MT1H: variants seen among roughly 807,000 people sequenced by gnomAD.
MT1H encodes the protein metallothionein 1H, also known as metallothionein-1H.
Under a neutral mutation model 8.7 loss-of-function variants are expected in MT1H, and 8 were observed. The ratio of observed to expected loss-of-function variants is 0.92; its 90% confidence interval spans 0.54 to 1.66. The LOEUF (loss-of-function observed/expected upper bound fraction) is 1.66. Ranked by LOEUF, MT1H falls within the 40% of genes most tolerant of loss-of-function variation. MT1H has a pLI of 0.00. For synonymous variants in MT1H, 32 were observed against 28.9 expected (o/e 1.11, Z -0.34); for missense variants, 84 against 75.2 (o/e 1.12, Z -0.43).
intron 2 of MT1H, 89 bp downstream of exon 2, chr16:56,670,660 T>C: frequency 6.2e-7 from 1 of 1,607,270 alleles, no homozygotes; most frequent in South Asian, 1.1e-5. Context: ...GCTTCCTTTG[T>C]CCCCCTAGGC....
At chr16:56,670,780 T>C in intron 2 of MT1H, 118 bp from the exon 3 acceptor site, 1 of 1,539,668 alleles carries the variant, frequency 6.5e-7, no homozygotes, top group Non-Finnish European at 9.0e-7. Flanking sequence ...GAAAAAGCTG[T>C]GCCATCCTGA....
Position 56,670,909 on chromosome 16 carries a change from T to A in MT1H, c.106T>A (p.Cys36Ser). The change falls in exon 3 of 3, where the codon TGT (cysteine) becomes AGT (serine). Residue 36 changes from cysteine to serine, a missense_variant. Transcript: ENST00000332374. ...CTSCKKSCCS[C>S]CPLGCAKCAQ... The stretch of plus-strand genomic sequence containing the variant: ...CCCTTTTTCCCCAGGCTGCTGCTCC[T>A]GTTGCCCCCTGGGCTGTGCCAAGTG... The A allele has an allele frequency of 6.2e-7, 1 of 1,614,212 alleles. No individual in the cohort carries two copies. Among genetic ancestry groups the A allele is most frequent in the Non-Finnish European group, 8.5e-7 (1 of 1,180,026 alleles).
chr16:56,671,064 G>C lies in MT1H; in HGVS notation c.*75G>C. The C allele has an allele frequency of 6.5e-7, 1 of 1,539,264 alleles. No individual in the cohort carries two copies. Among genetic ancestry groups the C allele is most frequent in the Non-Finnish European group, 8.8e-7 (1 of 1,136,202 alleles). ...CAGGATTTTTTTTTTCTACAACTCC[G>C]ACTCATTTGCTACATTCCTTTTTTT... On this transcript the variant is annotated 3_prime_UTR_variant, in exon 3 of 3. Transcript: ENST00000332374.
Position 56,671,045 on chromosome 16 carries a change from T to G in MT1H, c.*56T>G. The G allele has an allele frequency of 2.5e-6, 4 of 1,577,584 alleles. No individual in the cohort carries two copies. Among genetic ancestry groups the G allele is most frequent in the Non-Finnish European group, 3.4e-6 (4 of 1,166,114 alleles). On this transcript the variant is annotated 3_prime_UTR_variant, in exon 3 of 3. Transcript: ENST00000332374. The stretch of plus-strand genomic sequence containing the variant: ...CAGAATGACACGTAAAATCCAGGAT[T>G]TTTTTTTTCTACAACTCCGACTCAT...
In MT1H at chr16:56,670,493, C is replaced by A. The variant is rs2144355235; in HGVS notation, c.29-13C>A. The A allele has an allele frequency of 1.2e-6, 2 of 1,613,968 alleles. No homozygotes were observed. Among genetic ancestry groups the A allele is most frequent in the Non-Finnish European group, 1.7e-6 (2 of 1,180,040 alleles). On this transcript the variant is annotated splice_polypyrimidine_tract_variant and intron_variant, in intron 1 of 2. Transcript: ENST00000332374. The stretch of plus-strand genomic sequence containing the variant: ...CTCACTCACAACACACTGGCTTTTT[C>A]TATTCCTTGCAGGTGGCTCCTGCGC...
intron 1 of MT1H, 53 bp downstream of exon 1, chr16:56,669,965 A>C: frequency 3.1e-6 from 5 of 1,611,824 alleles, no homozygotes; most frequent in Non-Finnish European, 4.2e-6. Context: ...CAGACACCAT[A>C]GAGAGTGTCC....
At chr16:56,670,628 C>G in intron 2 of MT1H, 57 bp downstream of exon 2, 1 of 1,613,978 alleles carries the variant, frequency 6.2e-7, no homozygotes, top group Non-Finnish European at 8.5e-7. Flanking sequence ...GGGAGGGAAC[C>G]CAAGGCTGGC....
intron 2 of MT1H, 51 bp downstream of exon 2, chr16:56,670,622 G>A: frequency 6.2e-7 from 1 of 1,614,166 alleles, no homozygotes; most frequent in Non-Finnish European, 8.5e-7. Flanking sequence ...AAGGTTGGGA[G>A]GGAACCCAAG....
rs151010888 is a variant in MT1H, at chr16:56,671,058, A to G, written c.*69A>G. On this transcript the variant is annotated 3_prime_UTR_variant, in exon 3 of 3. Coordinates refer to ENST00000332374, the MANE Select transcript of MT1H (RefSeq NM_005951.2). Reference sequence around the variant, plus strand: ...AAAATCCAGGATTTTTTTTTTCTACAACTCCGACTCATTTGCTACATTCCT... The same window carrying G: ...AAAATCCAGGATTTTTTTTTTCTACGACTCCGACTCATTTGCTACATTCCT... 6.2e-3 allele frequency: 9,623 copies of G among 1,554,744 alleles called. 39 individuals are homozygous for G. The highest frequency in any genetic ancestry group is 6.7e-3 in the Non-Finnish European group (7,708 of 1,147,604).
intron 1 of MT1H, among the ~76,000 whole-genome samples, chr16:56,670,305 T>TA (rs1175134467): frequency 1.3e-5 from 2 of 151,962 alleles, no homozygotes; most frequent in African/African-American, 4.8e-5. Context: ...GCCTGGGACT[T>TA]ACCTTTGGAA....
At position 56,671,123 on chromosome 16, in the gene MT1H, G is replaced by A. The variant is rs989744113; in HGVS notation, c.*134G>A. On this transcript the variant is annotated 3_prime_UTR_variant, in exon 3 of 3. Transcript: ENST00000332374. ...TATGTGAATAATAATTAAACACTTAGACTTGATTCCCGTTCTGGTTCCTGT... is the reference window on the plus strand; with the variant it reads ...TATGTGAATAATAATTAAACACTTAAACTTGATTCCCGTTCTGGTTCCTGT... 42 of 1,272,028 alleles carry A rather than the reference G, an allele frequency of 3.3e-5. No homozygotes were observed. The highest frequency in any genetic ancestry group is 4.4e-5 in the Non-Finnish European group (41 of 937,636). The allele number at this position is 1,272,028 out of a possible 1,614,324, so 78.8% of individuals were successfully genotyped here.
intron 1 of MT1H, 61 bp downstream of exon 1, chr16:56,669,973 T>G (rs770563414): frequency 5.0e-6 from 8 of 1,609,280 alleles, no homozygotes; most frequent in African/African-American, 1.3e-5. Flanking sequence ...ATAGAGAGTG[T>G]CCCTGGGTTT....
rs1458624183 is a variant in MT1H, at chr16:56,671,064, G to A, written c.*75G>A. On this transcript the variant is annotated 3_prime_UTR_variant, in exon 3 of 3. Transcript: ENST00000332374. ...CAGGATTTTTTTTTTCTACAACTCC[G>A]ACTCATTTGCTACATTCCTTTTTTT... 6 of 1,539,148 alleles carry A rather than the reference G, an allele frequency of 3.9e-6. No homozygotes were observed. Among genetic ancestry groups the A allele is most frequent in the Middle Eastern group, 1.7e-4 (1 of 5,808 alleles).
At position 56,670,573 on chromosome 16, in the gene MT1H, T is replaced by C; in HGVS notation, c.94+2T>C. Reference sequence around the variant, plus strand: ...GCAAATGCACCTCCTGCAAGAAGAGTGAGTGCGGGGCCATCTCCAGGAATC... The same window carrying C: ...GCAAATGCACCTCCTGCAAGAAGAGCGAGTGCGGGGCCATCTCCAGGAATC... On this transcript the variant is annotated splice_donor_variant, in intron 2 of 2. Coordinates refer to ENST00000332374, the MANE Select transcript of MT1H (RefSeq NM_005951.2). LOFTEE classifies it high-confidence loss of function. 6.2e-7 allele frequency: 1 copy of C among 1,613,886 alleles called. No individual in the cohort carries two copies. Among genetic ancestry groups the C allele is most frequent in the Non-Finnish European group, 8.5e-7 (1 of 1,179,984 alleles).
Position 56,671,104 on chromosome 16 carries a change from A to T in MT1H, c.*115A>T. On this transcript the variant is annotated 3_prime_UTR_variant, in exon 3 of 3. Transcript: ENST00000332374. ...TTCCTTTTTTTCTGTGAAATATGTG[A>T]ATAATAATTAAACACTTAGACTTGA... 2 of 1,363,790 alleles carry T rather than the reference A, an allele frequency of 1.5e-6. No individual in the cohort carries two copies. The highest frequency in any genetic ancestry group is 2.0e-6 in the Non-Finnish European group (2 of 1,010,140). The allele number at this position is 1,363,790 out of a possible 1,614,324, so 84.5% of individuals were successfully genotyped here. A position where few individuals can be genotyped will look rare whatever the true frequency, so the allele number is the denominator to read the frequency against.
At chr16:56,670,019 A>C in intron 1 of MT1H, 107 bp downstream of exon 1, 1 of 1,435,058 alleles carries the variant, frequency 7.0e-7, no homozygotes, top group African/African-American at 1.4e-5. Flanking sequence ...GCTGAAGAGG[A>C]CTTCTTTACT....
At chr16:56,670,299 G>A (rs1960854066) in intron 1 of MT1H, among the ~76,000 whole-genome samples, 1 of 152,112 alleles carries the variant, frequency 6.6e-6, no homozygotes, top group Admixed American at 6.5e-5. Flanking sequence ...CCTGGAGCCT[G>A]GGACTTACCT....
chr16:56,670,931 A>T lies in MT1H; in HGVS notation c.128A>T (p.Lys43Met), dbSNP rs777209953. The change falls in exon 3 of 3, where the codon AAG (lysine) becomes ATG (methionine). Residue 43 changes from lysine to methionine, a missense_variant. Physicochemically the swap from Lys to Met is moderately conservative, Grantham distance 95. Coordinates refer to ENST00000332374, the MANE Select transcript of MT1H (RefSeq NM_005951.2). ...TCCTGTTGCCCCCTGGGCTGTGCCA[A>T]GTGTGCCCAGGGCTGCATCTGCAAA... ...CCSCCPLGCAKCAQGCICKGA... is the reference protein window; with the variant it reads ...CCSCCPLGCAMCAQGCICKGA... The T allele has an allele frequency of 1.9e-6, 3 of 1,614,080 alleles. No homozygotes were observed. The highest frequency in any genetic ancestry group is 1.3e-5 in the African/African-American group (1 of 74,918).
Position 56,670,514 on chromosome 16 carries a change from T to G in MT1H, c.37T>G (p.Cys13Gly), listed in dbSNP as rs1960856927. The G allele has an allele frequency of 6.2e-7, 1 of 1,614,186 alleles. No individual in the cohort carries two copies. The highest frequency in any genetic ancestry group is 8.5e-7 in the Non-Finnish European group (1 of 1,179,986). Residue 13 changes from cysteine to glycine, a missense_variant, in exon 2 of 3, where the codon TGC becomes GGC. Cys to Gly is a radical substitution (Grantham distance 159). Coordinates refer to ENST00000332374, the MANE Select transcript of MT1H (RefSeq NM_005951.2). ...PNCSCEAGGS[C>G]ACAGSCKCKK... ...TTTTCTATTCCTTGCAGGTGGCTCC[T>G]GCGCCTGCGCCGGCTCCTGCAAGTG... is the stretch of plus-strand genomic sequence containing the variant.
Sources: gnomAD v4.1 joint callset for allele counts (sites outside exome capture counted in the v4.1 genomes callset) on GRCh38, gnomAD v4.1.1 for gene constraint, MANE v1.5 for transcripts, NCBI Gene and HGNC (gene_info 2026-07-23, HGNC 2026-07-21) for gene names.